TJP3: variants seen among roughly 807,000 people sequenced by gnomAD.
TJP3 encodes the protein tight junction protein 3.
TJP3 carries 85 observed loss-of-function variants against 104.2 expected under a neutral mutation model. That is an observed-to-expected ratio of 0.82 (90% CI 0.68 to 0.98). TJP3 has a LOEUF of 0.98. Among genes scored for constraint, TJP3 ranks in the 50% least tolerant of loss-of-function variants. TJP3 has a pLI of 0.00. For synonymous variants in TJP3, 550 were observed against 550.6 expected (o/e 1.00, Z 0.02); for missense variants, 1,367 against 1,322.8 (o/e 1.03, Z -0.52).
At chr19:3,723,653 G>A (rs990346115) in intron 1 of TJP3, among the ~76,000 whole-genome samples, 5 of 151,676 alleles carry the variant, frequency 3.3e-5, no homozygotes, top group South Asian at 2.1e-4. Context: ...TTAGCCGGGC[G>A]TGGTGGTTGG....
intron 11 of TJP3, 91 bp from the exon 12 acceptor site, chr19:3,738,464 G>A: frequency 8.8e-7 from 1 of 1,141,468 alleles, no homozygotes; most frequent in Non-Finnish European, 1.3e-6. Context: ...AAGCAGCTGG[G>A]GCTGAGTTTT....
intron 1 of TJP3, among the ~76,000 whole-genome samples, chr19:3,718,474 G>T (rs1181505350): frequency 6.7e-6 from 1 of 149,500 alleles, no homozygotes; most frequent in Non-Finnish European, 1.5e-5. Context: ...TTTTGGGGTG[G>T]TGGGGGGCGG....
At chr19:3,711,464 G>GT (rs2036433434) in intron 1 of TJP3, among the ~76,000 whole-genome samples, 2 of 151,728 alleles carry the variant, frequency 1.3e-5, no homozygotes, top group African/African-American at 4.8e-5. Flanking sequence ...CTCCCAAAGT[G>GT]CTGGGATTAC....
Position 3,730,340 on chromosome 19 carries a change from C to T in TJP3, c.262-15C>T, listed in dbSNP as rs1334631133. The T allele has an allele frequency of 6.6e-7, 1 of 1,506,326 alleles. No individual in the cohort carries two copies. The highest frequency in any genetic ancestry group is 8.9e-7 in the Non-Finnish European group (1 of 1,125,620). The allele number at this position is 1,506,326 out of a possible 1,614,324, so 93.3% of individuals were successfully genotyped here. On this transcript the variant is annotated splice_polypyrimidine_tract_variant and intron_variant, in intron 4 of 20. Transcript: ENST00000541714. The surrounding 1 kb of genome is among the most constrained non-coding windows in gnomAD (Gnocchi z 7.3). ...CTTGCCTGTAGCTGACCCTTCCTGT[C>T]CCCTCCTCTAACAGACAGTGAAACG... is the stretch of plus-strand genomic sequence containing the variant.
In TJP3 at chr19:3,738,673, C is replaced by T. The variant is rs149994846; in HGVS notation, c.1393+10C>T. 4.5e-3 allele frequency: 7,171 copies of T among 1,608,356 alleles called. 24 individuals carry two copies. The highest frequency in any genetic ancestry group is 5.2e-3 in the Non-Finnish European group (6,136 of 1,176,022). On this transcript the variant is annotated intron_variant, in intron 12 of 20. Transcript: ENST00000541714. Reference sequence around the variant, plus strand: ...CAGAGGAAGCAGGACAGTGAGTGCGCGTGGATATGGGTGTGCCTGTGTGTT... The same window carrying T: ...CAGAGGAAGCAGGACAGTGAGTGCGTGTGGATATGGGTGTGCCTGTGTGTT...
Position 3,738,950 on chromosome 19 carries a change from C to T in TJP3, c.1447C>T (p.His483Tyr), listed in dbSNP as rs1222523917. 6.2e-7 allele frequency: 1 copy of T among 1,613,000 alleles called. No individual in the cohort carries two copies. The highest frequency in any genetic ancestry group is 1.3e-5 in the African/African-American group (1 of 74,944). Residue 483 changes from histidine (H) to tyrosine (Y), a missense_variant, in exon 13 of 21, where the codon CAC (histidine) becomes TAC (tyrosine). Transcript: ENST00000541714. ...RVGDSFYIRT[H>Y]FELEPSPPSG... ...GGGTGACTCCTTCTACATCCGCACT[C>T]ACTTTGAGCTGGAGCCCAGTCCACC...
chr19:3,737,842 A>G (rs958866810), intron 11 of TJP3, among the ~76,000 whole-genome samples: 3 of 152,180 alleles, frequency 2.0e-5, no homozygotes, highest in Admixed American at 1.3e-4. Flanking sequence ...CCCCGAGAGT[A>G]GGTGTCTGTG....
rs779074037 is a variant in TJP3, at chr19:3,748,001, C to G, written c.2530C>G (p.Arg844Gly). 39 of 1,609,876 alleles carry G rather than the reference C, an allele frequency of 2.4e-5. No individual in the cohort carries two copies. The highest frequency in any genetic ancestry group is 6.7e-5 in the Admixed American group (4 of 59,476). Residue 844 changes from arginine (R) to glycine (G), a missense_variant, in exon 19 of 21, where the codon CGG becomes GGG. Transcript: ENST00000541714. The stretch of plus-strand genomic sequence containing the variant: ...TGAGCCCCCGGCTCCAGCCCTGGCC[C>G]GGTCCTCGGAGCCCGTGCAGGCAGA... ...DDEPPAPALARSSEPVQADES... is the reference protein window; with the variant it reads ...DDEPPAPALAGSSEPVQADES...
chr19:3,739,982 C>T (rs796643049), intron 13 of TJP3, among the ~76,000 whole-genome samples: 14 of 152,188 alleles, frequency 9.2e-5, no homozygotes, highest in African/African-American at 3.4e-4. Context: ...GCCTGTAATC[C>T]CAGCACTTTG....
At chr19:3,740,473 C>CG in intron 13 of TJP3, 79 bp from the exon 14 acceptor site, 1 of 956,212 alleles carries the variant, frequency 1.0e-6, no homozygotes, top group Non-Finnish European at 1.4e-6. Context: ...CCACAGGCTC[C>CG]GAGGGGTAGG....
intron 8 of TJP3, among the ~76,000 whole-genome samples, chr19:3,734,824 G>A (rs1008853592): frequency 1.3e-5 from 2 of 152,132 alleles, no homozygotes; most frequent in Admixed American, 6.6e-5. Context: ...CGTGGTGCCG[G>A]GTGCCTGTAA....
In TJP3 at chr19:3,730,744, G is replaced by C; in HGVS notation, c.613+38G>C. 6.4e-7 allele frequency: 1 copy of C among 1,563,564 alleles called. No homozygotes were observed. Among genetic ancestry groups the C allele is most frequent in the Non-Finnish European group, 8.6e-7 (1 of 1,156,924 alleles). ...GGGAGGTCGGACACGATCAGTACTGGACACAGGGCACCGTGGTCGGATGGG... is the reference window on the plus strand; with the variant it reads ...GGGAGGTCGGACACGATCAGTACTGCACACAGGGCACCGTGGTCGGATGGG... On this transcript the variant is annotated intron_variant, in intron 5 of 20. Transcript: ENST00000541714. This position sits in a 1 kb window ranked among gnomAD's most constrained non-coding sequence, Gnocchi z 7.3.
At chr19:3,734,236 T>A in intron 7 of TJP3, 91 bp from the exon 8 acceptor site, 1 of 1,356,650 alleles carries the variant, frequency 7.4e-7, no homozygotes, top group Non-Finnish European at 1.0e-6. Context: ...TAGGGCCCTT[T>A]GTTTAGAGGG....
intron 19 of TJP3, 102 bp from the exon 20 acceptor site, chr19:3,750,036 A>G (rs1178864355): frequency 4.7e-6 from 7 of 1,482,754 alleles, no homozygotes; most frequent in Non-Finnish European, 6.6e-6. Context: ...AGTGGGCAGC[A>G]TGGCCCGGGC....
chr19:3,738,805 C>T (rs2036772454), intron 12 of TJP3, 92 bp from the exon 13 acceptor site: 1 of 1,368,198 alleles, frequency 7.3e-7, no homozygotes, highest in Non-Finnish European at 1.0e-6. Context: ...AGGGAGAGTG[C>T]CCCAAATCTC....
chr19:3,750,532 A>G, intron 20 of TJP3, 50 bp from the exon 21 acceptor site: 1 of 1,468,234 alleles, frequency 6.8e-7, no homozygotes, highest in South Asian at 1.2e-5. Flanking sequence ...ATGGTGAGAA[A>G]GCTCACACCC....
At position 3,716,421 on chromosome 19, in the gene TJP3, T is replaced by G. The variant is rs367947465; in HGVS notation, c.-10+7860T>G. On this transcript the variant is annotated intron_variant, in intron 1 of 20. Transcript: ENST00000541714. The stretch of plus-strand genomic sequence containing the variant: ...CAAGACGTTGCCAAGGGTCCCCCTC[T>G]GGTGAGAGGCACTGGCTTGGAGTTC... Among the ~76,000 whole-genome samples the G allele has an allele frequency of 1.3e-4, 20 of 148,470 alleles. 2 individuals carry two copies. The East Asian group carries it at 2.4e-3, about 18-fold the overall frequency.
chr19:3,734,522 G>A lies in TJP3; in HGVS notation c.986+87G>A. 7.3e-6 allele frequency: 9 copies of A among 1,234,992 alleles called. No homozygotes were observed. In the African/African-American group the frequency reaches 7.5e-5, roughly 10 times the overall value. The allele number at this position is 1,234,992 out of a possible 1,614,324, so 76.5% of individuals were successfully genotyped here. ...GGAACGCGGGCGTAGCTTTCCAACT[G>A]GGGGTAACCTTGAGGACGCAGTCCT... On this transcript the variant is annotated intron_variant, in intron 8 of 20. Coordinates refer to ENST00000541714, the MANE Select transcript of TJP3 (RefSeq NM_001267560.2).
At chr19:3,732,520 T>G (rs2036684542) in intron 6 of TJP3, among the ~76,000 whole-genome samples, 1 of 151,894 alleles carries the variant, frequency 6.6e-6, no homozygotes, top group South Asian at 2.1e-4. Flanking sequence ...GTTTCTTTTT[T>G]TTTTTTTCAG....
Sources: allele counts gnomAD v4.1 joint callset (sites outside exome capture counted in the v4.1 genomes callset), GRCh38; gene constraint gnomAD v4.1.1; non-coding constraint Gnocchi (gnomAD v3.1); transcripts MANE v1.5; gene names NCBI Gene and HGNC (gene_info 2026-07-23, HGNC 2026-07-21).